Variants in LIPN observed in about 807,000 individuals in gnomAD.
The protein encoded by LIPN is lipase member N.
A neutral mutation model predicts 43.7 loss-of-function variants in LIPN; 32 were observed. That is an observed-to-expected ratio of 0.73 (90% CI 0.55 to 0.98). LIPN has a LOEUF of 0.98. Ranked by LOEUF, LIPN falls within the 50% of genes least tolerant of loss-of-function variation. The pLI, the probability that LIPN is intolerant of heterozygous loss-of-function variation, is 0.00. For missense variants in LIPN, 505 were observed against 483.8 expected, an observed-to-expected ratio of 1.04 and a Z score of -0.41; for synonymous variants, 156 against 157.6, an observed-to-expected ratio of 0.99 and a Z score of 0.08.
chr10:88,759,523 T>TG (rs1312645215), upstream of LIPN, among the ~76,000 whole-genome samples: 2 of 152,140 alleles, frequency 1.3e-5, no homozygotes, highest in African/African-American at 4.8e-5. Flanking sequence ...CTTTGGCATG[T>TG]GAATTAGTTT....
At chr10:88,761,547 A>T (rs1281411742) in intron 2 of LIPN, 34 bp downstream of exon 2, 5 of 1,420,590 alleles carry the variant, frequency 3.5e-6, no homozygotes, top group Non-Finnish European at 5.0e-6. Flanking sequence ...AACATCAAAT[A>T]AAGCAGGACT....
In LIPN at chr10:88,779,036, G is replaced by T. The variant is rs181145932; in HGVS notation, c.*794G>T. On this transcript the variant is annotated 3_prime_UTR_variant, in exon 10 of 10. Coordinates refer to ENST00000404459, the MANE Select transcript of LIPN (RefSeq NM_001102469.2). ...ACTGACAATAAAAGATTGAGCTAAA[G>T]ATGGAAGCAGAAAGTACTAGGCTAG... 2.0e-5 allele frequency among the ~76,000 whole-genome samples: 3 copies of T among 152,290 alleles called. No individual in the cohort carries two copies. Among genetic ancestry groups the T allele is most frequent in the African/African-American group, 2.4e-5 (1 of 41,572 alleles).
At chr10:88,768,259 T>C (rs1843144873) in intron 5 of LIPN, among the ~76,000 whole-genome samples, 1 of 151,764 alleles carries the variant, frequency 6.6e-6, no homozygotes, top group African/African-American at 2.4e-5. Flanking sequence ...CCCTTTCTTT[T>C]TGGAAACAGG....
intron 5 of LIPN, among the ~76,000 whole-genome samples, chr10:88,766,781 A>T (rs1045924566): frequency 6.6e-6 from 1 of 151,994 alleles, no homozygotes; most frequent in Non-Finnish European, 1.5e-5. Context: ...CCCAAATGGG[A>T]TTTTTAAAAA....
At chr10:88,761,747 C>CTATCTATCTATG (rs1212320694) in intron 2 of LIPN, among the ~76,000 whole-genome samples, 1 of 99,478 alleles carries the variant, frequency 1.0e-5, no homozygotes, top group Non-Finnish European at 1.9e-5. Flanking sequence ...ATCTATCTAT[C>CTATCTATCTATG]TATCTATCTA....
intron 6 of LIPN, among the ~76,000 whole-genome samples, chr10:88,769,344 A>C (rs1843166635): frequency 6.6e-6 from 1 of 151,916 alleles, no homozygotes; most frequent in South Asian, 2.1e-4. Context: ...AAACCTGATT[A>C]ATATATTCCT....
chr10:88,764,594 A>G lies in LIPN; in HGVS notation c.411A>G (p.Lys137=). The G allele has an allele frequency of 6.2e-7, 1 of 1,600,964 alleles. No homozygotes were observed. The highest frequency in any genetic ancestry group is 1.1e-5 in the South Asian group (1 of 88,824). The change falls in exon 4 of 10, where the codon AAA becomes AAG. Residue 137 remains lysine (K), a synonymous_variant. Coordinates refer to ENST00000404459, the MANE Select transcript of LIPN (RefSeq NM_001102469.2). ...AAACACTCTCAGAGACAGATGAGAAATTCTGGGCCTTTAGGTAAATATTAG... is the reference window on the plus strand; with the variant it reads ...AAACACTCTCAGAGACAGATGAGAAGTTCTGGGCCTTTAGGTAAATATTAG... The part of the protein sequence containing the change: ...RHKTLSETDE[K]FWAFSFDEMA...
chr10:88,766,611 C>T (rs998549668), intron 5 of LIPN, among the ~76,000 whole-genome samples: 1 of 151,868 alleles, frequency 6.6e-6, no homozygotes, highest in Non-Finnish European at 1.5e-5. Flanking sequence ...ATATTGACTA[C>T]GGTGATGCAA....
chr10:88,768,027 C>T (rs1211870944), intron 5 of LIPN, among the ~76,000 whole-genome samples: 152 of 128,828 alleles, frequency 1.2e-3, no homozygotes, highest in Admixed American at 1.3e-3. Context: ...CACACACACA[C>T]ACACACACAC....
Position 88,761,576 on chromosome 10 carries a change from G to A in LIPN, c.108+63G>A, listed in dbSNP as rs560908903. On this transcript the variant is annotated intron_variant, in intron 2 of 9. Coordinates refer to ENST00000404459, the MANE Select transcript of LIPN (RefSeq NM_001102469.2). ...CAGGACTAATGGAGTATGAGGTTACGAAAGGTCCTGTTGTAACAGAAAATC... is the reference window on the plus strand; with the variant it reads ...CAGGACTAATGGAGTATGAGGTTACAAAAGGTCCTGTTGTAACAGAAAATC... 3.5e-4 allele frequency: 390 copies of A among 1,105,274 alleles called. 1 individual carries two copies. Among genetic ancestry groups the A allele is most frequent in the Non-Finnish European group, 5.0e-4 (369 of 734,248 alleles). 68.5% of individuals were successfully genotyped at this position (1,105,274 alleles called of 1,614,324 possible).
chr10:88,774,483 A>C lies in LIPN; in HGVS notation c.830A>C (p.Asp277Ala). The C allele has an allele frequency of 6.2e-7, 1 of 1,610,324 alleles. No individual in the cohort carries two copies. The highest frequency in any genetic ancestry group is 8.5e-7 in the Non-Finnish European group (1 of 1,177,440). Residue 277 changes from aspartate to alanine, a missense_variant, in exon 8 of 10, where the codon GAT (aspartate) becomes GCT (alanine). Transcript: ENST00000404459. ...NKKNMNQSRM[D>A]VYMSHAPTGS... ...TTTTATCTCCTTTAGAGTCGAATGG[A>C]TGTGTATATGTCACATGCTCCCACT...
chr10:88,760,271 G>GT (rs1842976594), intron 1 of LIPN, among the ~76,000 whole-genome samples, 165 bp downstream of exon 1: 1 of 151,936 alleles, frequency 6.6e-6, no homozygotes, highest in African/African-American at 2.4e-5. Flanking sequence ...CTAAGCCTTT[G>GT]TTTTTTTAAT....
chr10:88,778,262 C>T lies in LIPN; in HGVS notation c.*20C>T, dbSNP rs1305201968. 1.9e-5 allele frequency: 29 copies of T among 1,553,596 alleles called. No individual in the cohort carries two copies. Among genetic ancestry groups the T allele is most frequent in the Non-Finnish European group, 2.5e-5 (29 of 1,139,412 alleles). On this transcript the variant is annotated 3_prime_UTR_variant, in exon 10 of 10. Transcript: ENST00000404459. Reference sequence around the variant, plus strand: ...TCCTAAATGCAATGCATTTACTTTTCAATTAAAAGTTGCTTCCAAGCCCAT... The same window carrying T: ...TCCTAAATGCAATGCATTTACTTTTTAATTAAAAGTTGCTTCCAAGCCCAT...
intron 7 of LIPN, 71 bp from the exon 8 acceptor site, chr10:88,774,402 C>CTGTGCTAATTCTGTGCTA (rs1843260490): frequency 1.1e-6 from 1 of 913,690 alleles, no homozygotes; most frequent in East Asian, 2.4e-5. Flanking sequence ...TTCTGTGCAT[C>CTGTGCTAATTCTGTGCTA]ATTTTTCTCT....
chr10:88,764,437 A>G lies in LIPN; in HGVS notation c.254A>G (p.His85Arg). The change falls in exon 4 of 10, where the codon CAT (histidine) becomes CGT (arginine). Residue 85 changes from histidine to arginine, a missense_variant. Physicochemically the swap from His to Arg is conservative, Grantham distance 29 (BLOSUM62 0). Transcript: ENST00000404459. ...TGPRPVVYMQ[H>R]ALFADNAYWL... ...CCCCGGCCAGTTGTGTATATGCAGC[A>G]TGCCCTGTTTGCAGACAATGCCTAC... 4.3e-6 allele frequency: 7 copies of G among 1,612,224 alleles called. No homozygotes were observed. The highest frequency in any genetic ancestry group is 5.9e-6 in the Non-Finnish European group (7 of 1,178,960).
chr10:88,766,277 A>G lies in LIPN; in HGVS notation c.434A>G (p.Glu145Gly). ...CCTGTTTTATTTTGCAGTTTTGATG[A>G]AATGGCCAAATATGATCTCCCAGGA... ...DEKFWAFSFD[E>G]MAKYDLPGVI... The change falls in exon 5 of 10, where the codon GAA becomes GGA. Residue 145 changes from glutamate to glycine, a missense_variant. By Grantham distance (98) the Glu-to-Gly change is moderately conservative (BLOSUM62 -2). Coordinates refer to ENST00000404459, the MANE Select transcript of LIPN (RefSeq NM_001102469.2). 6.3e-7 allele frequency: 1 copy of G among 1,584,274 alleles called. No homozygotes were observed. Among genetic ancestry groups the G allele is most frequent in the Non-Finnish European group, 8.6e-7 (1 of 1,157,544 alleles).
chr10:88,777,611 G>C (rs982187134), intron 9 of LIPN, among the ~76,000 whole-genome samples: 1 of 151,846 alleles, frequency 6.6e-6, no homozygotes. Flanking sequence ...CTGTTCTCCA[G>C]GTACACTGGG....
At chr10:88,775,403 C>A (rs1226231781) in intron 9 of LIPN, among the ~76,000 whole-genome samples, 1 of 151,810 alleles carries the variant, frequency 6.6e-6, no homozygotes, top group African/African-American at 2.4e-5. Flanking sequence ...GATGTACTAA[C>A]ATTTTGGTGT....
chr10:88,758,064 A>G (rs1842948278), upstream of LIPN, among the ~76,000 whole-genome samples: 1 of 152,162 alleles, frequency 6.6e-6, no homozygotes, highest in South Asian at 2.1e-4. Flanking sequence ...AGAAAATTTG[A>G]AAAAGCAGCC....
Sources: gnomAD v4.1 joint callset for allele counts (sites outside exome capture counted in the v4.1 genomes callset) on GRCh38, gnomAD v4.1.1 for gene constraint, MANE v1.5 for transcripts, NCBI Gene and HGNC (gene_info 2026-07-23, HGNC 2026-07-21) for gene names.